NRG3: variants seen among roughly 807,000 people sequenced by gnomAD.
The protein encoded by NRG3 is neuregulin 3.
A neutral mutation model predicts 66.9 loss-of-function variants in NRG3; 31 were observed. That is an observed-to-expected ratio of 0.46 (90% CI 0.35 to 0.63). The LOEUF (loss-of-function observed/expected upper bound fraction) is 0.63, where lower values mean the gene tolerates loss of function less well. NRG3 is among the 20% of genes least tolerant of loss of function. The pLI is 0.00. For missense variants in NRG3, 910 were observed against 878.9 expected (o/e 1.04, Z -0.45); for synonymous variants, 393 against 359.4 (o/e 1.09, Z -1.06).
chr10:81,906,217 C>G (rs1844591665), intron 1 of NRG3, among the ~76,000 whole-genome samples: 1 of 152,018 alleles, frequency 6.6e-6, no homozygotes, highest in African/African-American at 2.4e-5. Flanking sequence ...TTATCATCAT[C>G]ATCATCATCA....
intron 2 of NRG3, among the ~76,000 whole-genome samples, chr10:82,684,634 G>A (rs1054902416): frequency 6.6e-6 from 1 of 151,964 alleles, no homozygotes; most frequent in African/African-American, 2.4e-5. Context: ...CTAAACTAAA[G>A]AAACAGTAAA....
intron 2 of NRG3, among the ~76,000 whole-genome samples, chr10:82,519,404 C>G (rs1845986845): frequency 6.6e-6 from 1 of 152,134 alleles, no homozygotes; most frequent in African/African-American, 2.4e-5. Context: ...TTGAATATAG[C>G]AGATTGTTCT....
intron 2 of NRG3, among the ~76,000 whole-genome samples, chr10:82,694,252 A>G (rs575662207): frequency 6.6e-6 from 1 of 152,020 alleles, no homozygotes; most frequent in Non-Finnish European, 1.5e-5. Context: ...TTACAGAGTG[A>G]TGATGGGTGC....
intron 2 of NRG3, among the ~76,000 whole-genome samples, chr10:82,541,401 G>A (rs920886448): frequency 6.6e-5 from 10 of 152,048 alleles, no homozygotes; most frequent in African/African-American, 1.2e-4. Flanking sequence ...GCGGGCTCAC[G>A]TCTCCAAAAA....
At chr10:82,472,409 T>G (rs187308949) in intron 2 of NRG3, among the ~76,000 whole-genome samples, 15 of 152,318 alleles carry the variant, frequency 9.8e-5, no homozygotes, top group African/African-American at 3.6e-4. Context: ...GTCCTTTGAT[T>G]GGTGTTTTTG....
chr10:82,033,673 A>G (rs1188803685), intron 1 of NRG3, among the ~76,000 whole-genome samples: 3 of 152,104 alleles, frequency 2.0e-5, no homozygotes, highest in African/African-American at 2.4e-5. Context: ...GCTTGTGTCA[A>G]ATTTACATGA....
chr10:81,996,980 A>G (rs776701621), intron 1 of NRG3, among the ~76,000 whole-genome samples: 5 of 152,216 alleles, frequency 3.3e-5, no homozygotes, highest in Non-Finnish European at 7.3e-5. Context: ...AAAGTCATGT[A>G]TTTAAATTCT....
chr10:81,876,734 G>T lies in NRG3; in HGVS notation c.823+571G>T, dbSNP rs1383771126. On this transcript the variant is annotated intron_variant, in intron 1 of 8. Transcript: ENST00000372141. ...CCTGACCTGGGCAGGAACCAGAAAG[G>T]GTTAATTAGAAGCCACTGGGAGACT... 3.3e-5 allele frequency among the ~76,000 whole-genome samples: 5 copies of T among 152,144 alleles called. No individual in the cohort carries two copies. In the South Asian group the frequency reaches 1.0e-3, roughly 32 times the overall value.
intron 1 of NRG3, among the ~76,000 whole-genome samples, chr10:81,914,785 A>G (rs796333930): frequency 0.018 from 2,710 of 151,346 alleles, 75 homozygotes; most frequent in African/African-American, 0.06. Context: ...AAAAAAAAAA[A>G]AAAAGAAAGA....
At chr10:82,443,976 T>A (rs2136474852) in intron 2 of NRG3, among the ~76,000 whole-genome samples, 1 of 152,304 alleles carries the variant, frequency 6.6e-6, no homozygotes, top group East Asian at 1.9e-4. Flanking sequence ...AAGCAATAAT[T>A]TGCACTTTTC....
At chr10:82,928,612 G>GTTTT (rs59744503) in intron 4 of NRG3, among the ~76,000 whole-genome samples, 171 of 117,830 alleles carry the variant, frequency 1.5e-3, no homozygotes, top group South Asian at 2.3e-3. Flanking sequence ...GGATCAGCAG[G>GTTTT]TTTTTTTTTT....
At chr10:82,525,415 T>C (rs1846603605) in intron 2 of NRG3, among the ~76,000 whole-genome samples, 1 of 151,220 alleles carries the variant, frequency 6.6e-6, no homozygotes, top group Non-Finnish European at 1.5e-5. Context: ...CCCAAATGAA[T>C]AATCCTGGAG....
chr10:82,532,054 T>G (rs1198791271), intron 2 of NRG3, among the ~76,000 whole-genome samples: 1 of 151,932 alleles, frequency 6.6e-6, no homozygotes, highest in African/African-American at 2.4e-5. Context: ...TATGTGATAC[T>G]TTGATATAAG....
chr10:82,933,249 T>C (rs924854085), intron 4 of NRG3, among the ~76,000 whole-genome samples: 11 of 152,032 alleles, frequency 7.2e-5, no homozygotes, highest in African/African-American at 2.7e-4. Flanking sequence ...TATTTATTTA[T>C]TTATTTATTT....
At chr10:82,243,452 C>G (rs182130181) in intron 1 of NRG3, among the ~76,000 whole-genome samples, 1 of 151,810 alleles carries the variant, frequency 6.6e-6, no homozygotes, top group African/African-American at 2.4e-5. Context: ...TTTAAAAAGA[C>G]AAGCTGAAGG....
At chr10:82,951,434 A>G (rs1483329008) in intron 4 of NRG3, 35 bp from the exon 5 acceptor site, 19 of 1,506,880 alleles carry the variant, frequency 1.3e-5, no homozygotes, top group Non-Finnish European at 1.7e-5. Context: ...GCACCCCGCT[A>G]GCATCCATTC....
rs140063368 is a variant in NRG3 at position 82,756,634 on chromosome 10, T to C, written c.1027+17984T>C. Among the ~76,000 whole-genome samples, 608 of 152,200 alleles carry C rather than the reference T, an allele frequency of 4.0e-3. 4 individuals carry two copies. The highest frequency in any genetic ancestry group is 0.014 in the African/African-American group (573 of 41,554). On this transcript the variant is annotated intron_variant, in intron 3 of 8. Transcript: ENST00000372141. ...ATGGATCCTGTCCTCATGGAACTTA[T>C]ACAGATGATAACTAACACTAGTTAC...
chr10:82,198,328 C>A (rs1047555820), intron 1 of NRG3, among the ~76,000 whole-genome samples: 1 of 146,816 alleles, frequency 6.8e-6, no homozygotes, highest in Admixed American at 6.8e-5. Context: ...GTTATTCTTG[C>A]AAAAGCTCTT....
At chr10:82,093,269 C>T (rs1762443880) in intron 1 of NRG3, among the ~76,000 whole-genome samples, 1 of 152,132 alleles carries the variant, frequency 6.6e-6, no homozygotes, top group African/African-American at 2.4e-5. Flanking sequence ...CCCACAGCAA[C>T]TTGGTATATA....
Sources: gnomAD v4.1 joint callset for allele counts (sites outside exome capture counted in the v4.1 genomes callset) on GRCh38, gnomAD v4.1.1 for gene constraint, MANE v1.5 for transcripts, NCBI Gene and HGNC (gene_info 2026-07-23, HGNC 2026-07-21) for gene names.